SH3GL3: variants seen among roughly 807,000 people sequenced by gnomAD.
The protein encoded by SH3GL3 is endophilin-A3.
SH3GL3 carries 33 observed loss-of-function variants against 47.7 expected under a neutral mutation model. That is an observed-to-expected ratio of 0.69 (90% CI 0.52 to 0.92). The LOEUF (loss-of-function observed/expected upper bound fraction) is 0.92. Among genes scored for constraint, SH3GL3 ranks in the 40% least tolerant of loss-of-function variants. The pLI, the probability that SH3GL3 is intolerant of heterozygous loss-of-function variation, is 0.00. For synonymous variants in SH3GL3, 155 were observed against 148.8 expected, an observed-to-expected ratio of 1.04 and a Z score of -0.30; for missense variants, 363 against 417.8, an observed-to-expected ratio of 0.87 and a Z score of 1.14.
intron 8 of SH3GL3, among the ~76,000 whole-genome samples, chr15:83,601,821 G>A (rs1361053638): frequency 1.3e-5 from 2 of 150,162 alleles, no homozygotes; most frequent in South Asian, 2.1e-4. Flanking sequence ...GAATCCATGT[G>A]GTCCTGGACT....
intron 8 of SH3GL3, among the ~76,000 whole-genome samples, chr15:83,608,278 C>T (rs540105208): frequency 3.3e-5 from 5 of 152,156 alleles, no homozygotes; most frequent in Non-Finnish European, 5.9e-5. Context: ...TAGTAGTGCA[C>T]AACTTAACCC....
chr15:83,613,278 A>G (rs1195693499), intron 8 of SH3GL3, among the ~76,000 whole-genome samples: 1 of 152,140 alleles, frequency 6.6e-6, no homozygotes, highest in Non-Finnish European at 1.5e-5. Flanking sequence ...GTTCTTGAAC[A>G]GGGTCTTTCT....
At chr15:83,633,513 G>A in the SH3GL3 span, among the ~76,000 whole-genome samples, 1 of 152,092 alleles carries the variant, frequency 6.6e-6, no homozygotes, top group African/African-American at 2.4e-5. Context: ...AGAGACAAGA[G>A]TTAACTTACA....
chr15:83,543,896 G>A (rs960683856), intron 1 of SH3GL3, among the ~76,000 whole-genome samples: 4 of 151,684 alleles, frequency 2.6e-5, no homozygotes, highest in Non-Finnish European at 4.4e-5. Context: ...ATTTATTTGG[G>A]TCTTCTCTCT....
At chr15:83,626,868 G>A in the SH3GL3 span, among the ~76,000 whole-genome samples, 10 of 152,054 alleles carry the variant, frequency 6.6e-5, no homozygotes, top group African/African-American at 2.2e-4. Flanking sequence ...TTTTACTCCC[G>A]CTATTGTGTT....
At chr15:83,521,811 A>C (rs1447889603) in intron 1 of SH3GL3, among the ~76,000 whole-genome samples, 2 of 152,180 alleles carry the variant, frequency 1.3e-5, no homozygotes, top group African/African-American at 2.4e-5. Context: ...GTTGGGAATT[A>C]ATGGCAAATA....
chr15:83,468,815 T>TTC (rs1402646814), intron 1 of SH3GL3, among the ~76,000 whole-genome samples: 1 of 151,718 alleles, frequency 6.6e-6, no homozygotes, highest in East Asian at 1.9e-4. Flanking sequence ...TTTTTTTTTT[T>TTC]TGTAATTTGT....
intron 8 of SH3GL3, among the ~76,000 whole-genome samples, 200 bp from the exon 9 acceptor site, chr15:83,617,882 C>T (rs1567042531): frequency 1.3e-5 from 2 of 152,168 alleles, no homozygotes; most frequent in East Asian, 3.9e-4. Flanking sequence ...ACTCTGGGCT[C>T]ATGGGGTTGG....
chr15:83,505,353 A>G (rs1282604284), intron 1 of SH3GL3, among the ~76,000 whole-genome samples: 1 of 151,976 alleles, frequency 6.6e-6, no homozygotes, highest in Non-Finnish European at 1.5e-5. Context: ...GCAGGACGTG[A>G]AAGTTCCCAT....
At chr15:83,534,610 T>G (rs2043824082) in intron 1 of SH3GL3, among the ~76,000 whole-genome samples, 2 of 152,134 alleles carry the variant, frequency 1.3e-5, no homozygotes, top group Non-Finnish European at 2.9e-5. Flanking sequence ...GAAAAATGAA[T>G]AAAATTTAAG....
At chr15:83,470,114 T>C (rs2040763908) in intron 1 of SH3GL3, among the ~76,000 whole-genome samples, 1 of 152,228 alleles carries the variant, frequency 6.6e-6, no homozygotes, top group Admixed American at 6.5e-5. Flanking sequence ...GATATTAATA[T>C]AGCCAGTCCT....
At chr15:83,548,174 T>G (rs2151716739) in intron 1 of SH3GL3, among the ~76,000 whole-genome samples, 1 of 151,924 alleles carries the variant, frequency 6.6e-6, no homozygotes, top group East Asian at 1.9e-4. Context: ...TGTGCTATCA[T>G]TTTTATGCTT....
intron 1 of SH3GL3, among the ~76,000 whole-genome samples, chr15:83,467,854 GTC>G (rs1452407858): frequency 6.6e-6 from 1 of 151,970 alleles, no homozygotes; most frequent in Non-Finnish European, 1.5e-5. Flanking sequence ...TTGAGACGGA[GTC>G]TCTCTCTGTC....
intron 2 of SH3GL3, among the ~76,000 whole-genome samples, chr15:83,564,678 A>G (rs141827514): frequency 9.9e-5 from 15 of 152,270 alleles, no homozygotes; most frequent in African/African-American, 3.6e-4. Flanking sequence ...TATAATACTA[A>G]TGATTATGAT....
chr15:83,486,971 G>A (rs2041625630), intron 1 of SH3GL3, among the ~76,000 whole-genome samples: 1 of 152,022 alleles, frequency 6.6e-6, no homozygotes, highest in Admixed American at 6.6e-5. Flanking sequence ...CCCTACACTT[G>A]TCCCTCTTCT....
rs146133091 is a variant in SH3GL3, at chr15:83,526,463, AC to A, written c.46-32788del. ...AATAAAGAAAATGTGGTACATACATACCACGGAATACAATGCAGCCTTAAAA... is the reference window on the plus strand; with the variant it reads ...AATAAAGAAAATGTGGTACATACATACACGGAATACAATGCAGCCTTAAAA... On this transcript the variant is annotated intron_variant, in intron 1 of 8. Coordinates refer to ENST00000427482, the MANE Select transcript of SH3GL3 (RefSeq NM_003027.5). 0.011 allele frequency among the ~76,000 whole-genome samples: 1,728 copies of A among 152,338 alleles called. 80 individuals are homozygous for A. The East Asian group carries it at 0.16, about 14-fold the overall frequency.
intron 1 of SH3GL3, among the ~76,000 whole-genome samples, chr15:83,470,423 C>A (rs560699183): frequency 6.6e-6 from 1 of 152,238 alleles, no homozygotes; most frequent in South Asian, 2.1e-4. Context: ...TAGGGTTTTG[C>A]CACGTTGGCC....
chr15:83,450,262 T>C (rs1179772426), intron 1 of SH3GL3, among the ~76,000 whole-genome samples: 1 of 152,228 alleles, frequency 6.6e-6, no homozygotes, highest in East Asian at 1.9e-4. Flanking sequence ...AATTGTATGG[T>C]ATGTGAAATA....
intron 6 of SH3GL3, among the ~76,000 whole-genome samples, chr15:83,582,510 G>A (rs1280970496): frequency 6.6e-6 from 1 of 152,150 alleles, no homozygotes; most frequent in East Asian, 1.9e-4. Context: ...AAACTAAACA[G>A]TTTCTTTATC....
Sources: gnomAD v4.1 joint callset for allele counts (sites outside exome capture counted in the v4.1 genomes callset) on GRCh38, gnomAD v4.1.1 for gene constraint, MANE v1.5 for transcripts, NCBI Gene and HGNC (gene_info 2026-07-23, HGNC 2026-07-21) for gene names.